ITGAD: variants seen among roughly 807,000 people sequenced by gnomAD.
ITGAD encodes the protein integrin subunit alpha D, also known as integrin alpha-D.
ITGAD carries 105 observed loss-of-function variants against 139.0 expected under a neutral mutation model. The observed-to-expected ratio is 0.76, with a 90% CI of 0.65 to 0.89. The LOEUF (loss-of-function observed/expected upper bound fraction) is 0.89. ITGAD is among the 40% of genes least tolerant of loss of function. The pLI is 0.00. For missense variants in ITGAD, 1,384 were observed against 1,487.3 expected, an observed-to-expected ratio of 0.93 and a Z score of 1.14; for synonymous variants, 569 against 598.3, an observed-to-expected ratio of 0.95 and a Z score of 0.71.
intron 1 of ITGAD, 52 bp downstream of exon 1, chr16:31,393,443 T>A: frequency 6.2e-7 from 1 of 1,602,680 alleles, no homozygotes; most frequent in East Asian, 2.2e-5. Flanking sequence ...CTGAGGGGAC[T>A]CCATCTGGGA....
Position 31,408,515 on chromosome 16 carries a change from C to T in ITGAD, c.1083+17C>T, listed in dbSNP as rs753531152. The T allele has an allele frequency of 1.7e-5, 28 of 1,609,618 alleles. No homozygotes were observed. Among genetic ancestry groups the T allele is most frequent in the Non-Finnish European group, 2.3e-5 (27 of 1,176,176 alleles). ...CTCACAATGGTGGGTAGAGCCTGCC[C>T]TCAATCCATAGCTCTTGGATACCAA... On this transcript the variant is annotated intron_variant, in intron 10 of 29. Transcript: ENST00000389202.
chr16:31,413,983 C>A (rs192587658), intron 16 of ITGAD, among the ~76,000 whole-genome samples: 3 of 152,302 alleles, frequency 2.0e-5, no homozygotes, highest in East Asian at 1.9e-4. Flanking sequence ...TGGCTTCTTT[C>A]TTAGATTGTG....
chr16:31,403,268 G>C lies in ITGAD; in HGVS notation c.559-232G>C. On this transcript the variant is annotated intron_variant, in intron 6 of 29. Coordinates refer to ENST00000389202, the MANE Select transcript of ITGAD (RefSeq NM_005353.3). The surrounding 1 kb of genome is among the most constrained non-coding windows in gnomAD (Gnocchi z 4.4). ...GTGGGAGTATTGCTTGAGGCCAAGA[G>C]TTCGAGACCAGCCTGGGCAACATAG... 2.2e-6 allele frequency: 1 copy of C among 464,936 alleles called. No individual in the cohort carries two copies. Among genetic ancestry groups the C allele is most frequent in the South Asian group, 2.6e-5 (1 of 38,684 alleles). The allele number at this position is 464,936 out of a possible 1,614,324, so 28.8% of individuals were successfully genotyped here.
chr16:31,395,871 A>G (rs2081253009), intron 2 of ITGAD, among the ~76,000 whole-genome samples: 1 of 152,086 alleles, frequency 6.6e-6, no homozygotes, highest in Non-Finnish European at 1.5e-5. Flanking sequence ...ACCGAGCTCC[A>G]ACCGCGCACC....
At position 31,403,450 on chromosome 16, in the gene ITGAD, A is replaced by T; in HGVS notation, c.559-50A>T. 1 of 1,599,656 alleles carries T rather than the reference A, an allele frequency of 6.3e-7. No individual in the cohort carries two copies. Reference sequence around the variant, plus strand: ...GTCTCTACAAAAAATTAAAATAAAAACAATAGTAACAGGCACTGAGCCCTG... The same window carrying T: ...GTCTCTACAAAAAATTAAAATAAAATCAATAGTAACAGGCACTGAGCCCTG... On this transcript the variant is annotated intron_variant, in intron 6 of 29. Coordinates refer to ENST00000389202, the MANE Select transcript of ITGAD (RefSeq NM_005353.3). This position sits in a 1 kb window ranked among gnomAD's most constrained non-coding sequence, Gnocchi z 4.4.
At chr16:31,404,203 C>T (rs2081480197) in intron 7 of ITGAD, 1 of 155,712 alleles carries the variant, frequency 6.4e-6, no homozygotes, top group Non-Finnish European at 1.4e-5. Flanking sequence ...CTCACCTCCT[C>T]TCCCGCATCC....
At chr16:31,416,399 T>G in intron 19 of ITGAD, 106 bp from the exon 20 acceptor site, 7 of 1,521,286 alleles carry the variant, frequency 4.6e-6, no homozygotes, top group Non-Finnish European at 6.3e-6. Flanking sequence ...TTCACTGGAT[T>G]GTTATTGGCC....
chr16:31,408,523 A>G (rs1257562081), intron 10 of ITGAD, 25 bp downstream of exon 10: 8 of 1,605,140 alleles, frequency 5.0e-6, no homozygotes, highest in African/African-American at 2.7e-5. Flanking sequence ...CCCTCAATCC[A>G]TAGCTCTTGG....
At position 31,424,455 on chromosome 16, in the gene ITGAD, T is replaced by A. The variant is rs761929440; in HGVS notation, c.3262-12T>A. ...TGGCATGAGGCCGGATGCTCTCTGA[T>A]CTCTAAATCAGATGGAGATGGTGCT... On this transcript the variant is annotated splice_polypyrimidine_tract_variant and intron_variant, in intron 28 of 29. Transcript: ENST00000389202. 1.2e-6 allele frequency: 2 copies of A among 1,605,278 alleles called. No individual in the cohort carries two copies. Among genetic ancestry groups the A allele is most frequent in the South Asian group, 1.1e-5 (1 of 90,690 alleles).
In ITGAD at chr16:31,407,853, G is replaced by A. The variant is rs1008708222; in HGVS notation, c.946G>A (p.Asp316Asn). The A allele has an allele frequency of 1.9e-6, 3 of 1,607,900 alleles. No homozygotes were observed. Among genetic ancestry groups the A allele is most frequent in the Non-Finnish European group, 2.6e-6 (3 of 1,174,902 alleles). The change falls in exon 9 of 30, where the codon GAC becomes AAC. Residue 316 changes from aspartate (D) to asparagine (N), a missense_variant. Transcript: ENST00000389202. ...TCCGCAGGACCACGTGTTCAAGGTG[G>A]ACAACTTTGCAGCCCTTGGCAGCAT... ...APPQDHVFKV[D>N]NFAALGSIQK...
chr16:31,414,920 G>A lies in ITGAD; in HGVS notation c.2212G>A (p.Glu738Lys). Residue 738 changes from glutamate (E) to lysine (K), a missense_variant, in exon 18 of 30, where the codon GAG (glutamate) becomes AAG (lysine). Physicochemically the swap from Glu to Lys is moderately conservative, Grantham distance 56. Coordinates refer to ENST00000389202, the MANE Select transcript of ITGAD (RefSeq NM_005353.3). The stretch of plus-strand genomic sequence containing the variant: ...GCACCTCAACTTCTCACTGGTGAGA[G>A]AGCCCATCCCCTCCCCCCAGAACCT... The part of the protein sequence containing the change: ...ILHLNFSLVR[E>K]PIPSPQNLRP... 1 of 1,614,068 alleles carries A rather than the reference G, an allele frequency of 6.2e-7. No homozygotes were observed.
At chr16:31,419,654 C>T (rs542207028) in intron 23 of ITGAD, among the ~76,000 whole-genome samples, 297 of 151,740 alleles carry the variant, frequency 2.0e-3, no homozygotes, top group Non-Finnish European at 3.1e-3. Flanking sequence ...TTACTAAAAA[C>T]GCAAACATTA....
intron 20 of ITGAD, 89 bp downstream of exon 20, chr16:31,416,735 GTGA>G: frequency 7.7e-7 from 1 of 1,292,768 alleles, no homozygotes; most frequent in Non-Finnish European, 1.1e-6. Context: ...AAATTGTTCT[GTGA>G]TGATATGTGC....
intron 29 of ITGAD, among the ~76,000 whole-genome samples, chr16:31,425,692 T>C (rs753228793): frequency 1.9e-4 from 29 of 151,472 alleles, no homozygotes; most frequent in African/African-American, 4.1e-4. Context: ...TCTTCTTCTT[T>C]TTTTTTTTTA....
At chr16:31,401,836 T>A (rs28718308) in intron 5 of ITGAD, among the ~76,000 whole-genome samples, 2,317 of 152,342 alleles carry the variant, frequency 0.015, 55 homozygotes, top group African/African-American at 0.053. Flanking sequence ...ACATTCGCCC[T>A]TGATGCTTGT....
chr16:31,408,060 C>T, intron 9 of ITGAD, 144 bp downstream of exon 9: 1 of 843,956 alleles, frequency 1.2e-6, no homozygotes, highest in South Asian at 2.0e-5. Flanking sequence ...CAACCTCTGC[C>T]TCCTGGGTTC....
At chr16:31,414,741 C>T (rs571208311) in intron 17 of ITGAD, 119 bp from the exon 18 acceptor site, 1 of 1,549,702 alleles carries the variant, frequency 6.5e-7, no homozygotes, top group Non-Finnish European at 8.8e-7. Context: ...GGCAGGAGAA[C>T]CTGGCTCCAC....
chr16:31,418,469 T>G lies in ITGAD; in HGVS notation c.2697-12T>G, dbSNP rs1390325446. 6.2e-7 allele frequency: 1 copy of G among 1,613,068 alleles called. No homozygotes were observed. The highest frequency in any genetic ancestry group is 1.7e-5 in the Admixed American group (1 of 60,006). ...GGATTCCTTCCCATTGGTCCCTCCTTTCTGTCTCCAGTGAGAACAATAAGG... is the reference window on the plus strand; with the variant it reads ...GGATTCCTTCCCATTGGTCCCTCCTGTCTGTCTCCAGTGAGAACAATAAGG... On this transcript the variant is annotated splice_polypyrimidine_tract_variant and intron_variant, in intron 22 of 29. Coordinates refer to ENST00000389202, the MANE Select transcript of ITGAD (RefSeq NM_005353.3).
intron 16 of ITGAD, 34 bp from the exon 17 acceptor site, chr16:31,414,417 G>A (rs779338634): frequency 1.2e-6 from 2 of 1,603,680 alleles, no homozygotes; most frequent in South Asian, 1.1e-5. Flanking sequence ...GGTTATTTCT[G>A]CCTTTTCATT....
Sources: gnomAD v4.1 joint callset for allele counts (sites outside exome capture counted in the v4.1 genomes callset) on GRCh38, gnomAD v4.1.1 for gene constraint, Gnocchi (gnomAD v3.1) non-coding constraint, MANE v1.5 for transcripts, NCBI Gene and HGNC (gene_info 2026-07-23, HGNC 2026-07-21) for gene names.